The following CDRT4 variants were observed in gnomAD, a reference collection of about 807,000 sequenced individuals.
CDRT4 encodes the protein CMT1A duplicated region transcript 4 protein.
For synonymous variants in CDRT4, 64 were observed against 69.6 expected (o/e 0.92, Z 0.40); for missense variants, 167 against 193.1 (o/e 0.87, Z 0.80).
rs551260741 is a variant in CDRT4 at position 15,450,529 on chromosome 17, C to T, written c.-48+2475G>A. ...CCACAGGAGTGGAATCCCACCATCA[C>T]TCAGCAAGCTCCTTCTGTCTCCATT... On this transcript the variant is annotated intron_variant, in intron 2 of 3. Transcript: ENST00000619038. The surrounding 1 kb of genome is among the most constrained non-coding windows in gnomAD (Gnocchi z 4.2). Among the ~76,000 whole-genome samples, 3 of 152,256 alleles carry T rather than the reference C, an allele frequency of 2.0e-5. No homozygotes were observed. Among genetic ancestry groups the T allele is most frequent in the African/African-American group, 7.2e-5 (3 of 41,542 alleles).
chr17:15,441,111 A>G (rs1032866114), intron 2 of CDRT4, among the ~76,000 whole-genome samples: 1 of 152,182 alleles, frequency 6.6e-6, no homozygotes, highest in Non-Finnish European at 1.5e-5. Context: ...CGATTTTGCC[A>G]TCTCTTTGGC....
At chr17:15,441,395 C>G (rs1239043261) in intron 2 of CDRT4, among the ~76,000 whole-genome samples, 1 of 152,216 alleles carries the variant, frequency 6.6e-6, no homozygotes, top group Non-Finnish European at 1.5e-5. Context: ...GAATCTGCAT[C>G]TCTAAGTAAC....
At chr17:15,440,502 C>T (rs758061507) in intron 2 of CDRT4, among the ~76,000 whole-genome samples, 7 of 152,118 alleles carry the variant, frequency 4.6e-5, no homozygotes, top group Non-Finnish European at 8.8e-5. Context: ...GAGCTGTAGA[C>T]TGTCATGATA....
At chr17:15,445,876 G>C (rs1380141505) in intron 2 of CDRT4, among the ~76,000 whole-genome samples, 1 of 152,116 alleles carries the variant, frequency 6.6e-6, no homozygotes, top group Non-Finnish European at 1.5e-5. Flanking sequence ...GGCCCCAGAA[G>C]GAGAATCACA....
intron 2 of CDRT4, among the ~76,000 whole-genome samples, chr17:15,447,037 C>A (rs144783801): frequency 6.6e-6 from 1 of 152,264 alleles, no homozygotes; most frequent in African/African-American, 2.4e-5. Context: ...GGATTTTCCA[C>A]ATTTGCCTCT....
At chr17:15,453,367 T>G (rs1049867582) in intron 1 of CDRT4, among the ~76,000 whole-genome samples, 2 of 152,150 alleles carry the variant, frequency 1.3e-5, no homozygotes, top group Non-Finnish European at 2.9e-5. Flanking sequence ...AGAAAATATG[T>G]GTGGGTAACA....
chr17:15,466,788 T>C (rs1458253846), intron 1 of CDRT4, among the ~76,000 whole-genome samples: 1 of 152,170 alleles, frequency 6.6e-6, no homozygotes, highest in Non-Finnish European at 1.5e-5. Flanking sequence ...AGGCTGGTCT[T>C]GAGTTCTCGG....
intron 2 of CDRT4, chr17:15,444,007 T>G: frequency 1.3e-6 from 1 of 777,652 alleles, no homozygotes; most frequent in Non-Finnish European, 2.2e-6. Flanking sequence ...AGGGTTTGGA[T>G]GAGACCAAGT....
At chr17:15,459,545 C>T (rs540738978) in intron 1 of CDRT4, among the ~76,000 whole-genome samples, 31 of 150,142 alleles carry the variant, frequency 2.1e-4, no homozygotes, top group South Asian at 6.3e-4. Flanking sequence ...CCTGGATTCA[C>T]GCCATTCTCC....
chr17:15,439,674 G>A (rs1978665215), intron 3 of CDRT4, among the ~76,000 whole-genome samples: 1 of 152,104 alleles, frequency 6.6e-6, no homozygotes, highest in South Asian at 2.1e-4. Flanking sequence ...CAATAGCAAA[G>A]ACTTGGAACC....
At chr17:15,451,676 G>C (rs1419938228) in intron 2 of CDRT4, among the ~76,000 whole-genome samples, 1 of 152,130 alleles carries the variant, frequency 6.6e-6, no homozygotes. Context: ...GCCTCTGCCT[G>C]GGATGCATGT....
intron 1 of CDRT4, among the ~76,000 whole-genome samples, chr17:15,463,902 G>T (rs1979874125): frequency 6.6e-6 from 1 of 152,160 alleles, no homozygotes; most frequent in East Asian, 1.9e-4. Flanking sequence ...TGGTGGGGAA[G>T]TCTGAGCTGA....
In CDRT4 at chr17:15,437,787, T is replaced by C. The variant is rs1429331876; in HGVS notation, c.445A>G (p.Thr149Ala). 2 of 1,614,044 alleles carry C rather than the reference T, an allele frequency of 1.2e-6. No individual in the cohort carries two copies. Among genetic ancestry groups the C allele is most frequent in the South Asian group, 1.1e-5 (1 of 91,080 alleles). ...CTCCTTGTTGGTCAGTAGCGAACTG[T>C]AGGGAGCATCCTCATCATAGGCTTG... Reference protein sequence around the residue: ...ARKPMMRMLPTVRY With the variant: ...ARKPMMRMLPAVRY Residue 149 changes from threonine to alanine, a missense_variant, in exon 4 of 4, where the codon ACA (threonine) becomes GCA (alanine). Coordinates refer to ENST00000619038, the MANE Select transcript of CDRT4 (RefSeq NM_001204477.2).
chr17:15,467,423 C>G (rs1239514400), intron 1 of CDRT4, 37 bp downstream of exon 1: 1 of 152,242 alleles, frequency 6.6e-6, no homozygotes, highest in Non-Finnish European at 1.5e-5. Flanking sequence ...CGACTTCCCT[C>G]TCTGGGGACA....
At position 15,436,722 on chromosome 17, in the gene CDRT4, CTTTG is replaced by C. The variant is rs1212446526; in HGVS notation, c.*1047_*1050del. 1.3e-5 allele frequency: 2 copies of C among 152,262 alleles called. No individual in the cohort carries two copies. The highest frequency in any genetic ancestry group is 2.9e-5 in the Non-Finnish European group (2 of 68,106). 9.4% of individuals were successfully genotyped at this position (152,262 alleles called of 1,614,324 possible). On this transcript the variant is annotated 3_prime_UTR_variant, in exon 4 of 4. Coordinates refer to ENST00000619038, the MANE Select transcript of CDRT4 (RefSeq NM_001204477.2). ...GGGGACACCCTGGTCCCCACTGCCA[CTTTG>C]TTTGCCCTCCAAGGGAAAAACCTCT...
intron 1 of CDRT4, among the ~76,000 whole-genome samples, chr17:15,463,678 G>A (rs961478221): frequency 3.3e-5 from 5 of 152,100 alleles, no homozygotes; most frequent in African/African-American, 7.2e-5. Flanking sequence ...CCCTCTCTGC[G>A]GTGGGCTCTC....
intron 1 of CDRT4, among the ~76,000 whole-genome samples, chr17:15,457,779 GCT>G (rs1979553448): frequency 6.6e-6 from 1 of 152,188 alleles, no homozygotes. Context: ...GCCAGGAGGG[GCT>G]CCACATGCTC....
chr17:15,439,340 G>A (rs1308283597), intron 3 of CDRT4, among the ~76,000 whole-genome samples: 1 of 151,990 alleles, frequency 6.6e-6, no homozygotes, highest in African/African-American at 2.4e-5. Flanking sequence ...TTCCCACGCT[G>A]CCTCGTGGCT....
intron 2 of CDRT4, among the ~76,000 whole-genome samples, chr17:15,448,663 T>C (rs564953087): frequency 6.6e-6 from 1 of 152,190 alleles, no homozygotes; most frequent in Non-Finnish European, 1.5e-5. Flanking sequence ...TTCCGGAGCC[T>C]GGAGGCAGTC....
Sources: gnomAD v4.1 joint callset for allele counts (sites outside exome capture counted in the v4.1 genomes callset) on GRCh38, gnomAD v4.1.1 for gene constraint, Gnocchi (gnomAD v3.1) non-coding constraint, MANE v1.5 for transcripts, NCBI Gene and HGNC (gene_info 2026-07-23, HGNC 2026-07-21) for gene names.